AGAP2: variants seen among roughly 807,000 people sequenced by gnomAD.
The protein encoded by AGAP2 is ArfGAP with GTPase domain, ankyrin repeat and PH domain 2, also known as arf-GAP with GTPase, ANK repeat and PH domain-containing protein 2.
Under a neutral mutation model 110.9 loss-of-function variants are expected in AGAP2, and 32 were observed. The observed-to-expected ratio is 0.29, with a 90% CI of 0.22 to 0.39. The LOEUF (loss-of-function observed/expected upper bound fraction) is 0.39. AGAP2 is among the 10% of genes least tolerant of loss of function. The pLI is 1.00. For missense variants in AGAP2, 1,285 were observed against 1,638.5 expected (o/e 0.78, Z 3.72); for synonymous variants, 702 against 713.0 (o/e 0.98, Z 0.25).
chr12:57,740,425 C>G (rs1955063575), upstream of AGAP2, among the ~76,000 whole-genome samples: 1 of 152,088 alleles, frequency 6.6e-6, no homozygotes, highest in Non-Finnish European at 1.5e-5. Flanking sequence ...CTTAAACTTC[C>G]CTCCTTTGAT....
chr12:57,732,357 T>G (rs755374970), intron 7 of AGAP2, 46 bp downstream of exon 7: 1 of 1,524,096 alleles, frequency 6.6e-7, no homozygotes, highest in Non-Finnish European at 8.9e-7. Flanking sequence ...CCCCAGCCCC[T>G]CTGCATCTTA....
At position 57,737,666 on chromosome 12, in the gene AGAP2, G is replaced by C; in HGVS notation, c.581C>G (p.Thr194Ser). 1 of 1,548,828 alleles carries C rather than the reference G, an allele frequency of 6.5e-7. No individual in the cohort carries two copies. ...CCCGCCGGCTTTGGCTCCACTCGTGGTCACGGTCTTGCAAGGCTTGGGAGC... is the reference window on the plus strand; with the variant it reads ...CCCGCCGGCTTTGGCTCCACTCGTGCTCACGGTCTTGCAAGGCTTGGGAGC... The part of the protein sequence containing the change: ...PPAPKPCKTV[T>S]TSGAKAGGGK... The change falls in exon 1 of 19, where the codon ACC becomes AGC. Residue 194 changes from threonine (T) to serine (S), a missense_variant. This residue lies in a region of AGAP2 where 844 missense variants were observed against 941.2 expected (regional missense o/e 0.90). Transcript: ENST00000547588. The surrounding 1 kb of genome is among the most constrained non-coding windows in gnomAD (Gnocchi z 5.9).
Position 57,738,298 on chromosome 12 carries a change from C to A in AGAP2, c.-52G>T. 7.1e-7 allele frequency: 1 copy of A among 1,411,274 alleles called. No homozygotes were observed. Among genetic ancestry groups the A allele is most frequent in the East Asian group, 3.0e-5 (1 of 33,072 alleles). The allele number at this position is 1,411,274 out of a possible 1,614,324, so 87.4% of individuals were successfully genotyped here. A position where few individuals can be genotyped will look rare whatever the true frequency, so the allele number is the denominator to read the frequency against. On this transcript the variant is annotated 5_prime_UTR_variant, in exon 1 of 19. In the 5' UTR this introduces an upstream ATG that the reference lacks. Coordinates refer to ENST00000547588, the MANE Select transcript of AGAP2 (RefSeq NM_001122772.3). The surrounding 1 kb of genome is among the most constrained non-coding windows in gnomAD (Gnocchi z 6.7). ...AGGGGAGGGGACTCCCCCGGACTGCCTCAGGGGGGCCCGGCCATGGGGCCG... is the reference window on the plus strand; with the variant it reads ...AGGGGAGGGGACTCCCCCGGACTGCATCAGGGGGGCCCGGCCATGGGGCCG...
chr12:57,738,019 C>T lies in AGAP2; in HGVS notation c.228G>A (p.Leu76=). ...TGCCCGCGCTGCTCGTGCTGATCCA[C>T]AGCGCATCCTGCCGGTGGAAGAGAC... The part of the protein sequence containing the change: ...HERLFHRQDA[L]WISTSSAGTG... The change falls in exon 1 of 19, where the codon CTG becomes CTA. Residue 76 remains leucine (L), a synonymous_variant. Transcript: ENST00000547588. This position sits in a 1 kb window ranked among gnomAD's most constrained non-coding sequence, Gnocchi z 6.7. 6.6e-7 allele frequency: 1 copy of T among 1,515,104 alleles called. No homozygotes were observed. Among genetic ancestry groups the T allele is most frequent in the Non-Finnish European group, 8.8e-7 (1 of 1,137,474 alleles). The allele number at this position is 1,515,104 out of a possible 1,614,324, so 93.9% of individuals were successfully genotyped here.
chr12:57,730,751 C>G (rs2301551), intron 11 of AGAP2, 40 bp downstream of exon 11: 495,719 of 1,611,768 alleles, frequency 0.31, 82,982 homozygotes, highest in East Asian at 0.58. Flanking sequence ...TTCCCCAGCC[C>G]TGGCCCCTCT....
chr12:57,730,680 C>A, intron 11 of AGAP2, 66 bp from the exon 12 acceptor site: 1 of 1,605,530 alleles, frequency 6.2e-7, no homozygotes, highest in Non-Finnish European at 8.5e-7. Context: ...TGTGGTCCCT[C>A]TTTATCACCC....
rs980321029 is a variant in AGAP2 at position 57,738,603 on chromosome 12, G to A, written c.-357C>T. Reference sequence around the variant, plus strand: ...GTGGGGGCAAATGGGGGAGAGAGAGGAAAAGGGAGCAGAAAAGGGGACCGG... The same window carrying A: ...GTGGGGGCAAATGGGGGAGAGAGAGAAAAAGGGAGCAGAAAAGGGGACCGG... On this transcript the variant is annotated 5_prime_UTR_variant, in exon 1 of 19. Coordinates refer to ENST00000547588, the MANE Select transcript of AGAP2 (RefSeq NM_001122772.3). The surrounding 1 kb of genome is among the most constrained non-coding windows in gnomAD (Gnocchi z 6.7). Among the ~76,000 whole-genome samples, 19 of 151,990 alleles carry A rather than the reference G, an allele frequency of 1.3e-4. No individual in the cohort carries two copies. The highest frequency in any genetic ancestry group is 4.1e-4 in the African/African-American group (17 of 41,444).
In AGAP2 at chr12:57,730,577, G is replaced by T; in HGVS notation, c.2346C>A (p.Pro782=). 6.2e-7 allele frequency: 1 copy of T among 1,614,132 alleles called. No individual in the cohort carries two copies. Among genetic ancestry groups the T allele is most frequent in the Non-Finnish European group, 8.5e-7 (1 of 1,180,020 alleles). The change falls in exon 12 of 19, where the codon CCC becomes CCA. Residue 782 remains proline, a synonymous_variant. Coordinates refer to ENST00000547588, the MANE Select transcript of AGAP2 (RefSeq NM_001122772.3). ...TTPMPSPSPS[P]SSLQPPPDQT... The stretch of plus-strand genomic sequence containing the variant: ...GATCTGGTGGTGGCTGCAGGGAACT[G>T]GGGCTGGGGCTAGGGCTTGGCATGG...
intron 14 of AGAP2, 50 bp from the exon 15 acceptor site, chr12:57,728,135 G>A: frequency 6.4e-7 from 1 of 1,556,340 alleles, no homozygotes; most frequent in Non-Finnish European, 8.7e-7. Context: ...TCAAGCAGGG[G>A]CTGCCTTTCC....
rs1257335503 is a variant in AGAP2, at chr12:57,737,508, C to T, written c.739G>A (p.Gly247Ser). The change falls in exon 1 of 19, where the codon GGC becomes AGC. Residue 247 changes from glycine to serine, a missense_variant. Coordinates refer to ENST00000547588, the MANE Select transcript of AGAP2 (RefSeq NM_001122772.3). The surrounding 1 kb of genome is among the most constrained non-coding windows in gnomAD (Gnocchi z 5.9). The stretch of plus-strand genomic sequence containing the variant: ...CCACCAGAGGTCGAAGCTGTAGAGC[C>T]CCCTCCCCCGGCGGCGGCGGCGGTG... The part of the protein sequence containing the change: ...AATAAAAGGG[G>S]STASTSGGVG... 3 of 1,592,958 alleles carry T rather than the reference C, an allele frequency of 1.9e-6. No homozygotes were observed. Among genetic ancestry groups the T allele is most frequent in the East Asian group, 4.5e-5 (2 of 44,014 alleles).
chr12:57,742,027 T>A, upstream of AGAP2: 1 of 1,614,166 alleles, frequency 6.2e-7, no homozygotes, highest in Non-Finnish European at 8.5e-7. Flanking sequence ...GTCGTCTGAC[T>A]TCTGCTCTCA....
At chr12:57,740,484 GAGA>G (rs1369231607), upstream of AGAP2, among the ~76,000 whole-genome samples, 1 of 152,128 alleles carries the variant, frequency 6.6e-6, no homozygotes, top group East Asian at 1.9e-4. Flanking sequence ...CTAATTCTTA[GAGA>G]AGGAGTAAAA....
rs1266667751 is a variant in AGAP2 at position 57,729,640 on chromosome 12, T to C, written c.2556A>G (p.Glu852=). 6.2e-7 allele frequency: 1 copy of C among 1,611,872 alleles called. No individual in the cohort carries two copies. Among genetic ancestry groups the C allele is most frequent in the Admixed American group, 1.7e-5 (1 of 59,928 alleles). ...TGGAAGTGCCTGCCAGAGCCTCACC[T>C]TCAGCCTGCCCAGCCGAGCCTTCAG... ...SKTEGSAGQA[E]AKRKMWKLKS... is the part of the protein sequence containing the mutation. Residue 852 remains glutamate (E), a splice_region_variant and synonymous_variant, in exon 13 of 19, where the codon GAA becomes GAG. Coordinates refer to ENST00000547588, the MANE Select transcript of AGAP2 (RefSeq NM_001122772.3).
At chr12:57,730,322 A>C in intron 12 of AGAP2, 173 bp downstream of exon 12, 1 of 975,490 alleles carries the variant, frequency 1.0e-6, no homozygotes, top group Non-Finnish European at 1.5e-6. Context: ...GTTAGAGTCC[A>C]CTTGTCTTAA....
rs780886164 is a variant in AGAP2, at chr12:57,734,071, C to G, written c.1504G>C (p.Gly502Arg). The G allele has an allele frequency of 8.7e-6, 14 of 1,612,662 alleles. No homozygotes were observed. Among genetic ancestry groups the G allele is most frequent in the Non-Finnish European group, 1.2e-5 (14 of 1,179,318 alleles). ...AAGGCCAGGCCTCCTCGTCCCTCCC[C>G]GCGAAGGGAACTCAGCTGCCCATGG... ...RLHGQLSSLR[G>R]EGRGGLALAL... The change falls in exon 5 of 19, where the codon GGG becomes CGG. Residue 502 changes from glycine (G) to arginine (R), a missense_variant. Gly to Arg is a moderately radical substitution (Grantham distance 125). Coordinates refer to ENST00000547588, the MANE Select transcript of AGAP2 (RefSeq NM_001122772.3).
intron 1 of AGAP2, among the ~76,000 whole-genome samples, chr12:57,736,656 G>A (rs1442136924): frequency 6.6e-6 from 1 of 152,224 alleles, no homozygotes; most frequent in Non-Finnish European, 1.5e-5. Context: ...TCACTGTCAT[G>A]CCACCTGCCC....
downstream of AGAP2, chr12:57,724,128 G>A (rs952833033): frequency 1.9e-4 from 29 of 152,464 alleles, no homozygotes; most frequent in Non-Finnish European, 4.0e-4. Flanking sequence ...GGGTCACGCC[G>A]CTGTGCTGGG....
chr12:57,723,794 T>C (rs1954724437), downstream of AGAP2: 1 of 152,278 alleles, frequency 6.6e-6, no homozygotes, highest in Admixed American at 6.5e-5. Flanking sequence ...TGAGGTTTGC[T>C]GACACCTTGA....
intron 13 of AGAP2, 52 bp downstream of exon 13, chr12:57,729,565 AGGAGTTAGGCCAGGGAGCTGAT>A: frequency 1.3e-6 from 2 of 1,551,036 alleles, no homozygotes; most frequent in Non-Finnish European, 1.7e-6. Context: ...CTCCTGCTGC[AGGAGTTAGGCCAGGGAGCTGAT>A]GTTGGGGATG....
Sources: gnomAD v4.1 joint callset for allele counts (sites outside exome capture counted in the v4.1 genomes callset) on GRCh38, gnomAD v4.1.1 for gene constraint, gnomAD v4.1.1 regional missense constraint, Gnocchi (gnomAD v3.1) non-coding constraint, MANE v1.5 for transcripts, NCBI Gene and HGNC (gene_info 2026-07-23, HGNC 2026-07-21) for gene names.